Variants in SMARCAL1 observed in about 807,000 individuals in gnomAD.
SMARCAL1 encodes the protein SNF2 related chromatin remodeling annealing helicase 1.
Under a neutral mutation model 94.5 loss-of-function variants are expected in SMARCAL1, and 58 were observed. That is an observed-to-expected ratio of 0.61 (90% CI 0.50 to 0.76). The LOEUF (loss-of-function observed/expected upper bound fraction) is 0.76. Ranked by LOEUF, SMARCAL1 falls within the 30% of genes least tolerant of loss-of-function variation. The pLI, the probability that SMARCAL1 is intolerant of heterozygous loss-of-function variation, is 0.00. For missense variants in SMARCAL1, 1,051 were observed against 1,177.9 expected (o/e 0.89, Z 1.58); for synonymous variants, 422 against 455.1 (o/e 0.93, Z 0.93).
intron 6 of SMARCAL1, among the ~76,000 whole-genome samples, chr2:216,424,065 G>A (rs1444742907): frequency 6.6e-6 from 1 of 152,224 alleles, no homozygotes; most frequent in Non-Finnish European, 1.5e-5. Flanking sequence ...GGCTCTCAGT[G>A]TACTTCTAGA....
chr2:216,447,174 T>TAC lies in SMARCAL1; in HGVS notation c.1851+16_1851+17insAC. On this transcript the variant is annotated intron_variant, in intron 11 of 17. Coordinates refer to ENST00000357276, the MANE Select transcript of SMARCAL1 (RefSeq NM_014140.4). ...TGCCAAACGGGTATGTATTATCTCT[T>TAC]CCCTCCCAGCCCACCCATTTCTCAC... The TAC allele has an allele frequency of 2.5e-6, 4 of 1,579,286 alleles. No homozygotes were observed. Among genetic ancestry groups the TAC allele is most frequent in the Non-Finnish European group, 3.5e-6 (4 of 1,150,176 alleles).
chr2:216,425,780 T>G (rs948737877), intron 6 of SMARCAL1, among the ~76,000 whole-genome samples: 3 of 151,600 alleles, frequency 2.0e-5, no homozygotes, highest in African/African-American at 7.3e-5. Context: ...AGAATGGGGG[T>G]GTGTGTGCTG....
intron 9 of SMARCAL1, 128 bp downstream of exon 9, chr2:216,435,624 G>C (rs1472502244): frequency 1.2e-6 from 1 of 848,164 alleles, no homozygotes; most frequent in Non-Finnish European, 1.9e-6. Flanking sequence ...AGAAATCACT[G>C]TCTTTATTTT....
Position 216,482,779 on chromosome 2 carries a change from C to T in SMARCAL1, c.2667C>T (p.Ser889=), listed in dbSNP as rs2106094842. The T allele has an allele frequency of 1.2e-6, 2 of 1,614,142 alleles. No homozygotes were observed. Among genetic ancestry groups the T allele is most frequent in the Non-Finnish European group, 8.5e-7 (1 of 1,180,022 alleles). ...AGATCTACGACCTATTCCAGAAGTC[C>T]TTTGAGAAAGAAGGAAGTGATATGG... ...QQKIYDLFQK[S]FEKEGSDMEL... The change falls in exon 18 of 18, where the codon TCC becomes TCT. Residue 889 remains serine, a synonymous_variant. Coordinates refer to ENST00000357276, the MANE Select transcript of SMARCAL1 (RefSeq NM_014140.4). The surrounding 1 kb of genome is among the most constrained non-coding windows in gnomAD (Gnocchi z 4.3).
intron 13 of SMARCAL1, 41 bp downstream of exon 13, chr2:216,464,708 T>TC: frequency 9.5e-7 from 1 of 1,055,654 alleles, no homozygotes; most frequent in South Asian, 1.4e-5. Flanking sequence ...TCTCTCATCT[T>TC]CAAAAAAAAA....
Position 216,414,941 on chromosome 2 carries a change from A to G in SMARCAL1, c.237A>G (p.Ser79=). ...TCAAGCAACAGAATCTCAGTAGCTC[A>G]TCTAATGCTGACCAAAGACCTCATG... ...VIFKQQNLSS[S]SNADQRPHDS... The change falls in exon 3 of 18, where the codon TCA becomes TCG. Residue 79 remains serine (S), a synonymous_variant. Coordinates refer to ENST00000357276, the MANE Select transcript of SMARCAL1 (RefSeq NM_014140.4). 6.2e-7 allele frequency: 1 copy of G among 1,614,160 alleles called. No individual in the cohort carries two copies. Among genetic ancestry groups the G allele is most frequent in the Non-Finnish European group, 8.5e-7 (1 of 1,179,980 alleles).
chr2:216,456,901 A>G (rs544892908), intron 12 of SMARCAL1, among the ~76,000 whole-genome samples: 1 of 152,344 alleles, frequency 6.6e-6, no homozygotes, highest in South Asian at 2.1e-4. Flanking sequence ...CAGACTGGCA[A>G]ATTGGATAGA....
chr2:216,415,955 A>C (rs1487606250), intron 3 of SMARCAL1: 1 of 428,122 alleles, frequency 2.3e-6, no homozygotes, highest in African/African-American at 2.0e-5. Context: ...ATTACTCCTC[A>C]TACTGCTTTG....
intron 4 of SMARCAL1, among the ~76,000 whole-genome samples, chr2:216,417,672 G>A (rs765215628): frequency 2.0e-5 from 3 of 148,048 alleles, no homozygotes; most frequent in Non-Finnish European, 2.9e-5. Flanking sequence ...AACCCATAAC[G>A]CTGCTGCTGC....
At chr2:216,474,043 G>A (rs1695017656) in intron 14 of SMARCAL1, among the ~76,000 whole-genome samples, 1 of 150,912 alleles carries the variant, frequency 6.6e-6, no homozygotes, top group East Asian at 1.9e-4. Context: ...TAACAACTTG[G>A]ATGAATCTCC....
intron 12 of SMARCAL1, among the ~76,000 whole-genome samples, chr2:216,456,013 A>T (rs902119077): frequency 2.0e-5 from 3 of 152,262 alleles, no homozygotes; most frequent in Admixed American, 6.5e-5. Flanking sequence ...AAAGGACCTG[A>T]TGGAGCTTAA....
chr2:216,435,947 C>CT (rs1289271302), intron 9 of SMARCAL1, among the ~76,000 whole-genome samples: 2 of 152,120 alleles, frequency 1.3e-5, no homozygotes, highest in African/African-American at 2.4e-5. Context: ...ACTTTTTACT[C>CT]TAACTGTTTT....
rs112197074 is a variant in SMARCAL1 at position 216,475,211 on chromosome 2, T to A, written c.2245-58T>A. On this transcript the variant is annotated intron_variant, in intron 14 of 17. Transcript: ENST00000357276. This position sits in a 1 kb window ranked among gnomAD's most constrained non-coding sequence, Gnocchi z 4.4. ...GTGCTGGAGCTGTGGCTGGGTGTGG[T>A]TTGCTGAGAAGCCCCCGGGGCTGTT... 1 of 1,589,280 alleles carries A rather than the reference T, an allele frequency of 6.3e-7. No homozygotes were observed.
Position 216,478,097 on chromosome 2 carries a change from C to T in SMARCAL1, c.2529-106C>T, listed in dbSNP as rs547511668. The stretch of plus-strand genomic sequence containing the variant: ...CTTGAGAGATGCAGAGATGTGAAAC[C>T]GTAAACAAGCCGTTGTCCCATAAGA... On this transcript the variant is annotated intron_variant, in intron 16 of 17. Coordinates refer to ENST00000357276, the MANE Select transcript of SMARCAL1 (RefSeq NM_014140.4). The T allele has an allele frequency of 8.7e-5, 82 of 940,754 alleles. No individual in the cohort carries two copies. The East Asian group carries it at 1.6e-3, about 18-fold the overall frequency. The allele number at this position is 940,754 out of a possible 1,614,324, so 58.3% of individuals were successfully genotyped here.
chr2:216,478,357 C>T, intron 17 of SMARCAL1, 58 bp downstream of exon 17: 1 of 1,372,582 alleles, frequency 7.3e-7, no homozygotes, highest in Non-Finnish European at 1.0e-6. Flanking sequence ...AAGCTGTCTG[C>T]CAAGTCTTTG....
At position 216,477,098 on chromosome 2, in the gene SMARCAL1, T is replaced by C. The variant is rs1695099958; in HGVS notation, c.2428-11T>C. On this transcript the variant is annotated splice_polypyrimidine_tract_variant and intron_variant, in intron 15 of 17. Coordinates refer to ENST00000357276, the MANE Select transcript of SMARCAL1 (RefSeq NM_014140.4). ...GCCTTTACCTGCCTGTCTCAATTCC[T>C]GGACACACAGGTGCTGATCCAGGCT... 2.6e-6 allele frequency: 4 copies of C among 1,561,826 alleles called. No individual in the cohort carries two copies. Among genetic ancestry groups the C allele is most frequent in the Non-Finnish European group, 2.6e-6 (3 of 1,152,986 alleles).
chr2:216,446,772 C>A, intron 10 of SMARCAL1: 1 of 637,984 alleles, frequency 1.6e-6, no homozygotes, highest in Non-Finnish European at 2.9e-6. Context: ...ACAAGGGAGA[C>A]AGAAAAGTTA....
chr2:216,457,118 C>G (rs1006106516), intron 12 of SMARCAL1, among the ~76,000 whole-genome samples: 3 of 135,918 alleles, frequency 2.2e-5, no homozygotes, highest in African/African-American at 9.5e-5. Flanking sequence ...GTAAAGGGAT[C>G]AATTCAACAA....
chr2:216,423,713 C>T, intron 6 of SMARCAL1, 30 bp downstream of exon 6: 2 of 1,567,360 alleles, frequency 1.3e-6, no homozygotes, highest in Non-Finnish European at 1.8e-6. Context: ...TGTTTTATAT[C>T]ATGCTATTGT....
Sources: gnomAD v4.1 joint callset for allele counts (sites outside exome capture counted in the v4.1 genomes callset) on GRCh38, gnomAD v4.1.1 for gene constraint, Gnocchi (gnomAD v3.1) non-coding constraint, MANE v1.5 for transcripts, NCBI Gene and HGNC (gene_info 2026-07-23, HGNC 2026-07-21) for gene names.